The following ULK4 variants were observed in gnomAD, a reference collection of about 807,000 sequenced individuals.
The protein encoded by ULK4 is unc-51 like kinase 4, also known as inactive serine/threonine-protein kinase ULK4.
In ULK4, 133 loss-of-function variants were observed where a neutral mutation model predicts 160.6. The observed-to-expected ratio is 0.83, with a 90% confidence interval of 0.72 to 0.96. ULK4 has a LOEUF of 0.96. ULK4 is among the 40% of genes least tolerant of loss of function. The pLI is 0.00. For missense variants in ULK4, 1,580 were observed against 1,499.5 expected (o/e 1.05, Z -0.89); for synonymous variants, 534 against 539.8 (o/e 0.99, Z 0.15).
At chr3:41,346,130 C>T (rs2080795268) in intron 35 of ULK4, among the ~76,000 whole-genome samples, 1 of 152,136 alleles carries the variant, frequency 6.6e-6, no homozygotes. Flanking sequence ...CTCCCGGCTT[C>T]ATCTGAGGGC....
At chr3:41,806,025 TTTTCTATTGATTGGAATAG>T in intron 19 of ULK4, among the ~76,000 whole-genome samples, 1 of 144,506 alleles carries the variant, frequency 6.9e-6, no homozygotes, top group Non-Finnish European at 1.5e-5. Flanking sequence ...GATTCCCTCT[TTTTCTATTGATTGGAATAG>T]TTTCAGAAGG....
chr3:41,879,901 G>C (rs1697448330), intron 17 of ULK4, among the ~76,000 whole-genome samples: 2 of 152,170 alleles, frequency 1.3e-5, no homozygotes, highest in Admixed American at 1.3e-4. Flanking sequence ...TGGATTATTT[G>C]AGGTCAAGAG....
chr3:41,410,232 T>C (rs1425357481), intron 34 of ULK4, among the ~76,000 whole-genome samples: 1 of 152,214 alleles, frequency 6.6e-6, no homozygotes, highest in Non-Finnish European at 1.5e-5. Context: ...ACACAAATGT[T>C]CATAGCAATG....
chr3:41,576,879 A>G (rs2088207254), intron 31 of ULK4, among the ~76,000 whole-genome samples: 1 of 152,218 alleles, frequency 6.6e-6, no homozygotes, highest in Non-Finnish European at 1.5e-5. Flanking sequence ...ACACAACTTT[A>G]ATGGGATTTT....
intron 32 of ULK4, among the ~76,000 whole-genome samples, chr3:41,484,360 A>C (rs1299914018): frequency 4.6e-5 from 7 of 152,152 alleles, no homozygotes; most frequent in African/African-American, 1.4e-4. Context: ...TATACTGTTT[A>C]AATTGTAACA....
intron 32 of ULK4, among the ~76,000 whole-genome samples, chr3:41,487,384 T>C (rs2084577549): frequency 2.0e-5 from 3 of 152,144 alleles, no homozygotes; most frequent in Admixed American, 2.0e-4. Context: ...GATAAATGCA[T>C]AAGAACGGTG....
chr3:41,862,095 C>T (rs919329553), intron 17 of ULK4, among the ~76,000 whole-genome samples: 4 of 152,176 alleles, frequency 2.6e-5, no homozygotes, highest in Non-Finnish European at 5.9e-5. Context: ...AAGCATGATA[C>T]TGCACCCAGC....
At chr3:41,303,384 C>A (rs2079837386) in intron 35 of ULK4, among the ~76,000 whole-genome samples, 1 of 152,088 alleles carries the variant, frequency 6.6e-6, no homozygotes, top group Non-Finnish European at 1.5e-5. Context: ...TTCCACTTCC[C>A]AAAGAAAGAA....
At chr3:41,359,428 G>C (rs947908806) in intron 35 of ULK4, among the ~76,000 whole-genome samples, 2 of 152,248 alleles carry the variant, frequency 1.3e-5, no homozygotes, top group Non-Finnish European at 2.9e-5. Context: ...GCAACGTTTA[G>C]AGACACCAGC....
At chr3:41,803,647 C>A (rs1269063692) in intron 19 of ULK4, among the ~76,000 whole-genome samples, 1 of 152,154 alleles carries the variant, frequency 6.6e-6, no homozygotes, top group Non-Finnish European at 1.5e-5. Context: ...CCCCCTACCC[C>A]ACAACAGTCC....
chr3:41,265,959 A>G (rs542320197), intron 35 of ULK4, among the ~76,000 whole-genome samples: 6 of 151,888 alleles, frequency 4.0e-5, no homozygotes, highest in Non-Finnish European at 8.8e-5. Context: ...TGGTCCACAC[A>G]CCCCCTGCTC....
Position 41,789,752 on chromosome 3 carries a change from G to A in ULK4, c.2102C>T (p.Ser701Phe), listed in dbSNP as rs777339496. Residue 701 changes from serine (S) to phenylalanine (F), a missense_variant, in exon 21 of 37, where the codon TCT becomes TTT. Coordinates refer to ENST00000301831, the MANE Select transcript of ULK4 (RefSeq NM_017886.4). Reference protein sequence around the residue: ...GLNSVINSLASAICKVQQYML... With the variant: ...GLNSVINSLAFAICKVQQYML... ...GTACTGCTGAACTTTGCAGATGGCAGAGGCCAGGGAGTTTATTACTGAGTT... is the reference window on the plus strand; with the variant it reads ...GTACTGCTGAACTTTGCAGATGGCAAAGGCCAGGGAGTTTATTACTGAGTT... The A allele has an allele frequency of 6.2e-7, 1 of 1,613,880 alleles. No individual in the cohort carries two copies. The highest frequency in any genetic ancestry group is 1.7e-5 in the Admixed American group (1 of 59,968).
intron 32 of ULK4, among the ~76,000 whole-genome samples, chr3:41,558,860 C>T (rs2087421185): frequency 6.6e-6 from 1 of 151,588 alleles, no homozygotes; most frequent in Admixed American, 6.6e-5. Context: ...TTGATAGCTT[C>T]TATTTTATTT....
intron 32 of ULK4, among the ~76,000 whole-genome samples, chr3:41,488,670 TCA>T (rs1338602252): frequency 2.6e-5 from 4 of 152,196 alleles, no homozygotes; most frequent in Admixed American, 2.6e-4. Context: ...TATACAGGGT[TCA>T]GTTTGCACCT....
At chr3:41,517,990 T>C (rs1324625013) in intron 32 of ULK4, among the ~76,000 whole-genome samples, 3 of 152,208 alleles carry the variant, frequency 2.0e-5, no homozygotes, top group Admixed American at 6.5e-5. Flanking sequence ...GAATGAAATT[T>C]AAGGGAACAA....
intron 16 of ULK4, among the ~76,000 whole-genome samples, chr3:41,885,550 G>A (rs1174269391): frequency 3.3e-5 from 5 of 152,104 alleles, no homozygotes; most frequent in African/African-American, 1.2e-4. Context: ...ATCTAAGGCA[G>A]CACTATCTAA....
intron 35 of ULK4, among the ~76,000 whole-genome samples, chr3:41,353,689 A>C (rs186250313): frequency 7.9e-6 from 1 of 126,530 alleles, no homozygotes; most frequent in Admixed American, 8.7e-5. Context: ...AATAATAATA[A>C]TAATTACAAT....
At chr3:41,542,559 C>T (rs2086731928) in intron 32 of ULK4, among the ~76,000 whole-genome samples, 1 of 152,118 alleles carries the variant, frequency 6.6e-6, no homozygotes, top group Non-Finnish European at 1.5e-5. Context: ...AGGATTCTCT[C>T]TTTTTCTATT....
chr3:41,832,374 G>A (rs1026850013), intron 18 of ULK4, among the ~76,000 whole-genome samples: 2 of 151,874 alleles, frequency 1.3e-5, no homozygotes, highest in East Asian at 1.9e-4. Context: ...CTTTGCCCAC[G>A]TTTTTATGGG....
Sources: gnomAD v4.1 joint callset for allele counts (sites outside exome capture counted in the v4.1 genomes callset) on GRCh38, gnomAD v4.1.1 for gene constraint, MANE v1.5 for transcripts, NCBI Gene and HGNC (gene_info 2026-07-23, HGNC 2026-07-21) for gene names.